The following CNTNAP2 variants were observed in gnomAD, a reference collection of about 807,000 sequenced individuals.
The protein encoded by CNTNAP2 is contactin-associated protein-like 2.
Under a neutral mutation model 155.2 loss-of-function variants are expected in CNTNAP2, and 98 were observed. The observed-to-expected ratio is 0.63, with a 90% CI of 0.54 to 0.75. CNTNAP2 has a LOEUF of 0.75. Among genes scored for constraint, CNTNAP2 ranks in the 30% least tolerant of loss-of-function variants. The pLI is 0.00. For synonymous variants in CNTNAP2, 651 were observed against 631.2 expected (o/e 1.03, Z -0.47); for missense variants, 1,727 against 1,688.1 (o/e 1.02, Z -0.40).
intron 17 of CNTNAP2, among the ~76,000 whole-genome samples, chr7:148,167,973 A>C (rs10280199): frequency 0.018 from 2,736 of 152,344 alleles, 78 homozygotes; most frequent in African/African-American, 0.061. Context: ...TGATATAATA[A>C]AAATATGATT....
At chr7:147,288,693 T>A (rs1385113897) in intron 8 of CNTNAP2, among the ~76,000 whole-genome samples, 5 of 152,226 alleles carry the variant, frequency 3.3e-5, no homozygotes, top group Non-Finnish European at 7.3e-5. Context: ...CATCTCTTCA[T>A]GATATGAATA....
intron 20 of CNTNAP2, among the ~76,000 whole-genome samples, chr7:148,231,541 C>G (rs1243543183): frequency 1.3e-5 from 2 of 152,034 alleles, no homozygotes; most frequent in African/African-American, 2.4e-5. Flanking sequence ...TCTCTCCCTT[C>G]CTTCCTTCCC....
intron 3 of CNTNAP2, among the ~76,000 whole-genome samples, chr7:147,011,444 A>AAGG (rs1554424732): frequency 7.8e-6 from 1 of 127,710 alleles, no homozygotes; most frequent in Non-Finnish European, 1.7e-5. Context: ...AAAAAAAAAA[A>AAGG]GGAACAAGGT....
At chr7:146,516,321 T>C (rs948864603) in intron 1 of CNTNAP2, among the ~76,000 whole-genome samples, 1 of 152,104 alleles carries the variant, frequency 6.6e-6, no homozygotes, top group African/African-American at 2.4e-5. Context: ...TTCTGATTCA[T>C]GCATTGGTAC....
intron 21 of CNTNAP2, among the ~76,000 whole-genome samples, chr7:148,382,473 A>G (rs1480183628): frequency 3.9e-5 from 5 of 129,302 alleles, no homozygotes; most frequent in Non-Finnish European, 6.8e-5. Context: ...CAGGGACCCT[A>G]TGAAATGGAG....
At chr7:148,177,103 A>G (rs1794950316) in intron 18 of CNTNAP2, among the ~76,000 whole-genome samples, 2 of 152,218 alleles carry the variant, frequency 1.3e-5, no homozygotes, top group African/African-American at 4.8e-5. Context: ...CCTATAGTAG[A>G]GGCAGCAATT....
intron 2 of CNTNAP2, among the ~76,000 whole-genome samples, chr7:146,814,254 T>C (rs548206784): frequency 6.6e-6 from 1 of 152,234 alleles, no homozygotes; most frequent in Non-Finnish European, 1.5e-5. Flanking sequence ...CTAGGCTTCT[T>C]CCCTAGCCAT....
At chr7:147,835,895 A>G (rs12533240) in intron 13 of CNTNAP2, among the ~76,000 whole-genome samples, 6,765 of 152,244 alleles carry the variant, frequency 0.044, 273 homozygotes, top group Admixed American at 0.12. Context: ...CAAGAATGCC[A>G]GGAGCCATGA....
rs1413991389 is a variant in CNTNAP2, at chr7:147,625,334, T to C, written c.1898-13772T>C. 2.6e-5 allele frequency among the ~76,000 whole-genome samples: 4 copies of C among 152,170 alleles called. No individual in the cohort carries two copies. The South Asian group carries it at 8.3e-4, about 32-fold the overall frequency. ...TCTCTGTGATGTGATCATTACACAT[T>C]GCATGCCTGTATCAAAGTATCTCAT... is the stretch of plus-strand genomic sequence containing the variant. On this transcript the variant is annotated intron_variant, in intron 12 of 23. Transcript: ENST00000361727.
intron 8 of CNTNAP2, among the ~76,000 whole-genome samples, chr7:147,272,075 TAG>T (rs1804765107): frequency 6.6e-6 from 1 of 152,108 alleles, no homozygotes; most frequent in Non-Finnish European, 1.5e-5. Flanking sequence ...ATATTTTTAG[TAG>T]AGATGGGGTC....
intron 1 of CNTNAP2, among the ~76,000 whole-genome samples, chr7:146,546,513 T>G (rs758339252): frequency 4.6e-5 from 7 of 151,906 alleles, no homozygotes; most frequent in Non-Finnish European, 8.8e-5. Flanking sequence ...AAATCAGTTT[T>G]CCTTGTAATA....
At chr7:148,388,579 A>G (rs906305341) in intron 22 of CNTNAP2, among the ~76,000 whole-genome samples, 6 of 152,082 alleles carry the variant, frequency 3.9e-5, no homozygotes, top group Admixed American at 1.3e-4. Flanking sequence ...AGTCTTTGCA[A>G]TTGTGAATAG....
intron 14 of CNTNAP2, among the ~76,000 whole-genome samples, chr7:147,969,044 A>C (rs1801281956): frequency 6.6e-6 from 1 of 152,152 alleles, no homozygotes; most frequent in African/African-American, 2.4e-5. Context: ...TTATCATGCC[A>C]GCTCAGGCAA....
At chr7:147,998,993 T>C (rs1018758348) in intron 15 of CNTNAP2, among the ~76,000 whole-genome samples, 1 of 152,236 alleles carries the variant, frequency 6.6e-6, no homozygotes, top group Non-Finnish European at 1.5e-5. Flanking sequence ...AATAAAATGA[T>C]GTAATTCAAT....
At chr7:146,811,331 C>CA in intron 2 of CNTNAP2, among the ~76,000 whole-genome samples, 1 of 152,240 alleles carries the variant, frequency 6.6e-6, no homozygotes, top group Middle Eastern at 3.4e-3. Flanking sequence ...TTATTGATCT[C>CA]AAATAGCCTA....
At chr7:146,681,465 G>A (rs1188354087) in intron 1 of CNTNAP2, among the ~76,000 whole-genome samples, 1 of 75,326 alleles carries the variant, frequency 1.3e-5, no homozygotes, top group African/African-American at 5.3e-5. Flanking sequence ...GTGGCGGGGG[G>A]AGAGGGTAGA....
chr7:147,538,463 G>A (rs1660379156), intron 11 of CNTNAP2, among the ~76,000 whole-genome samples: 1 of 152,034 alleles, frequency 6.6e-6, no homozygotes, highest in South Asian at 2.1e-4. Flanking sequence ...ACCAGTCTGG[G>A]AAACATAGTG....
chr7:146,865,795 A>G (rs575886879), intron 3 of CNTNAP2, among the ~76,000 whole-genome samples: 68 of 152,274 alleles, frequency 4.5e-4, no homozygotes, highest in African/African-American at 1.1e-3. Flanking sequence ...AAAATCTTCT[A>G]TTCTTCAAAT....
At chr7:146,350,885 T>G (rs1416811674) in intron 1 of CNTNAP2, among the ~76,000 whole-genome samples, 1 of 151,824 alleles carries the variant, frequency 6.6e-6, no homozygotes, top group Admixed American at 6.6e-5. Context: ...TGTAGGGACA[T>G]GGATGAAACT....
Sources: gnomAD v4.1 joint callset for allele counts (sites outside exome capture counted in the v4.1 genomes callset) on GRCh38, gnomAD v4.1.1 for gene constraint, MANE v1.5 for transcripts, NCBI Gene and HGNC (gene_info 2026-07-23, HGNC 2026-07-21) for gene names.